ZNF469: variants seen among roughly 807,000 people sequenced by gnomAD.
ZNF469 encodes zinc finger protein 469.
ZNF469 carries 1 observed loss-of-function variant against 1.0 expected under a neutral mutation model. The observed-to-expected ratio is 1.00, with a 90% CI of 0.35 to 4.73. ZNF469 has a LOEUF of 4.73. Among genes scored for constraint, ZNF469 ranks in the 30% most tolerant of loss-of-function variants. The pLI is 0.16. For missense variants in ZNF469, 6,100 were observed against 5,356.3 expected, an observed-to-expected ratio of 1.14 and a Z score of -4.33; for synonymous variants, 2,703 against 2,363.4, an observed-to-expected ratio of 1.14 and a Z score of -4.17.
chr16:88,273,803 TA>T, the ZNF469 span, among the ~76,000 whole-genome samples: 170 of 125,840 alleles, frequency 1.4e-3, no homozygotes, highest in Non-Finnish European at 2.4e-3. Flanking sequence ...CACTGTGGAA[TA>T]TTTTTTTTTT....
chr16:88,302,192 G>T, the ZNF469 span, among the ~76,000 whole-genome samples: 1 of 152,354 alleles, frequency 6.6e-6, no homozygotes, highest in African/African-American at 2.4e-5. Context: ...CGGAGGAGCT[G>T]CAGGGGCGGT....
At chr16:88,229,578 C>CCACGCG in the ZNF469 span, among the ~76,000 whole-genome samples, 1 of 61,564 alleles carries the variant, frequency 1.6e-5, no homozygotes, top group Non-Finnish European at 4.3e-5. Flanking sequence ...CGCTTGTGCG[C>CCACGCG]TGATGTCACG....
At chr16:88,393,276 G>A (rs1315052541) in intron 1 of ZNF469, among the ~76,000 whole-genome samples, 1 of 152,272 alleles carries the variant, frequency 6.6e-6, no homozygotes, top group Non-Finnish European at 1.5e-5. Flanking sequence ...GTGAGTGGGA[G>A]CATGCCCACA....
chr16:88,288,398 T>C, the ZNF469 span, among the ~76,000 whole-genome samples: 1 of 152,212 alleles, frequency 6.6e-6, no homozygotes, highest in African/African-American at 2.4e-5. Flanking sequence ...TTATTTATCA[T>C]ATTTGCCTTT....
chr16:88,326,671 G>T, the ZNF469 span, among the ~76,000 whole-genome samples: 2 of 152,152 alleles, frequency 1.3e-5, no homozygotes, highest in African/African-American at 4.8e-5. Flanking sequence ...GGAGGCCTCG[G>T]GTTTGGGGTG....
the ZNF469 span, among the ~76,000 whole-genome samples, chr16:88,120,743 A>C: frequency 6.6e-6 from 1 of 152,192 alleles, no homozygotes; most frequent in Non-Finnish European, 1.5e-5. Context: ...GAGCCCCGGG[A>C]ACACTGGCTG....
At position 88,433,268 on chromosome 16, in the gene ZNF469, C is replaced by T. The variant is rs914107386; in HGVS notation, c.5798C>T (p.Pro1933Leu). Residue 1933 changes from proline to leucine, a missense_variant, in exon 3 of 3, where the codon CCA (proline) becomes CTA (leucine). Physicochemically the swap from Pro to Leu is moderately conservative, Grantham distance 98. Transcript: ENST00000565624. The part of the protein sequence containing the change: ...QELTPAAQSP[P>L]RVNPSGLEGG... ...CTGACACCTGCTGCCCAGAGCCCTC[C>T]ACGAGTGAACCCCTCAGGTCTGGAA... 19 of 1,550,234 alleles carry T rather than the reference C, an allele frequency of 1.2e-5. No homozygotes were observed. Among genetic ancestry groups the T allele is most frequent in the Non-Finnish European group, 1.6e-5 (18 of 1,146,960 alleles).
At chr16:88,365,485 C>T in the ZNF469 span, among the ~76,000 whole-genome samples, 2 of 152,162 alleles carry the variant, frequency 1.3e-5, no homozygotes, top group South Asian at 2.1e-4. Flanking sequence ...CAGGAGGTGG[C>T]GGGCATGAGG....
At chr16:88,370,227 CA>C in the ZNF469 span, among the ~76,000 whole-genome samples, 1 of 152,204 alleles carries the variant, frequency 6.6e-6, no homozygotes, top group East Asian at 1.9e-4. Context: ...TTTCCAGCAT[CA>C]ATAAGAACAA....
chr16:88,386,367 C>T (rs1193521656), intron 1 of ZNF469, among the ~76,000 whole-genome samples: 1 of 152,064 alleles, frequency 6.6e-6, no homozygotes, highest in Non-Finnish European at 1.5e-5. Flanking sequence ...GCCTCCTGCC[C>T]GGGACCCCAC....
At chr16:88,289,253 C>T in the ZNF469 span, among the ~76,000 whole-genome samples, 5 of 120,252 alleles carry the variant, frequency 4.2e-5, no homozygotes, top group African/African-American at 1.6e-4. Flanking sequence ...GTGATAATGG[C>T]AACAGTGATG....
intron 1 of ZNF469, among the ~76,000 whole-genome samples, chr16:88,423,231 GTGGATGGATGGA>G (rs1329377101): frequency 1.4e-5 from 2 of 142,394 alleles, no homozygotes; most frequent in Admixed American, 7.0e-5. Context: ...GGATAGGTGG[GTGGATGGATGGA>G]TGGATGGATA....
the ZNF469 span, among the ~76,000 whole-genome samples, chr16:88,186,607 T>C: frequency 6.6e-6 from 1 of 151,536 alleles, no homozygotes; most frequent in Middle Eastern, 3.4e-3. Context: ...GAGACCTCAG[T>C]GTCGGGCGCG....
chr16:88,279,160 CCGTGTAG>C, the ZNF469 span, among the ~76,000 whole-genome samples: 22 of 126,414 alleles, frequency 1.7e-4, no homozygotes, highest in East Asian at 1.1e-3. Flanking sequence ...TTGGTCAGTA[CCGTGTAG>C]ATATCAGTGC....
At chr16:88,349,454 A>G in the ZNF469 span, among the ~76,000 whole-genome samples, 1 of 146,374 alleles carries the variant, frequency 6.8e-6, no homozygotes, top group Non-Finnish European at 1.5e-5. Flanking sequence ...TACACACACC[A>G]CACAAGTACG....
rs1567512948 is a variant in ZNF469 at position 88,432,219 on chromosome 16, G to C, written c.4749G>C (p.Gly1583=). The C allele has an allele frequency of 3.2e-6, 5 of 1,549,862 alleles. No individual in the cohort carries two copies. In the East Asian group the frequency reaches 1.2e-4, roughly 38 times the overall value. ...SQLQRSKDTR[G]APRELAEAES... ...TGCAAAGGAGCAAAGACACACGTGG[G>C]GCCCCGAGAGAGCTTGCAGAAGCTG... is the stretch of plus-strand genomic sequence containing the variant. Residue 1583 remains glycine, a synonymous_variant, in exon 3 of 3, where the codon GGG becomes GGC. Transcript: ENST00000565624.
At chr16:88,369,813 G>A in the ZNF469 span, among the ~76,000 whole-genome samples, 12 of 152,272 alleles carry the variant, frequency 7.9e-5, no homozygotes, top group Non-Finnish European at 1.2e-4. Flanking sequence ...GGCCACCCCC[G>A]CGACCCCCAG....
the ZNF469 span, among the ~76,000 whole-genome samples, chr16:88,115,131 G>A: frequency 0.13 from 20,060 of 152,130 alleles, 1,660 homozygotes; most frequent in East Asian, 0.26. Flanking sequence ...GGTCTGTGCC[G>A]GGCTCTGCGC....
At chr16:88,361,710 G>A in the ZNF469 span, among the ~76,000 whole-genome samples, 351 of 148,212 alleles carry the variant, frequency 2.4e-3, no homozygotes, top group African/African-American at 8.4e-3. Context: ...TTTTTTTTTC[G>A]TTGAAATCTA....
Sources: gnomAD v4.1 joint callset for allele counts (sites outside exome capture counted in the v4.1 genomes callset) on GRCh38, gnomAD v4.1.1 for gene constraint, MANE v1.5 for transcripts, NCBI Gene and HGNC (gene_info 2026-07-23, HGNC 2026-07-21) for gene names.